Variants in ERN2 observed in about 807,000 individuals in gnomAD.
The protein encoded by ERN2 is endoplasmic reticulum to nucleus signaling 2, also known as serine/threonine-protein kinase/endoribonuclease IRE2.
A neutral mutation model predicts 107.9 loss-of-function variants in ERN2; 111 were observed. The observed-to-expected ratio is 1.03, with a 90% CI of 0.88 to 1.20. ERN2 has a LOEUF of 1.20. ERN2 is among the 50% of genes most tolerant of loss of function. The pLI, the probability that ERN2 is intolerant of heterozygous loss-of-function variation, is 0.00. For missense variants in ERN2, 1,225 were observed against 1,197.9 expected, an observed-to-expected ratio of 1.02 and a Z score of -0.33; for synonymous variants, 524 against 501.7, an observed-to-expected ratio of 1.04 and a Z score of -0.59.
intron 13 of ERN2, among the ~76,000 whole-genome samples, chr16:23,697,627 GC>G (rs1959882851): frequency 6.6e-6 from 1 of 152,150 alleles, no homozygotes; most frequent in East Asian, 1.9e-4. Flanking sequence ...CAGACTTAAG[GC>G]CACAAAGGCC....
chr16:23,704,059 T>C (rs1173875759), intron 8 of ERN2, among the ~76,000 whole-genome samples: 2 of 152,186 alleles, frequency 1.3e-5, no homozygotes, highest in Non-Finnish European at 2.9e-5. Flanking sequence ...AAGTGCTCAA[T>C]TAATATTTGC....
intron 13 of ERN2, among the ~76,000 whole-genome samples, chr16:23,698,163 G>A (rs1941267763): frequency 6.6e-6 from 1 of 152,138 alleles, no homozygotes. Context: ...TCTTTCACAG[G>A]TATTTGCCAG....
chr16:23,707,889 T>C (rs1960386457), intron 4 of ERN2, among the ~76,000 whole-genome samples: 1 of 152,248 alleles, frequency 6.6e-6, no homozygotes, highest in Admixed American at 6.5e-5. Context: ...GGCCTGATGC[T>C]GGCTAGGAGT....
rs34617223 is a variant in ERN2 at position 23,695,586 on chromosome 16, C to T, written c.1611-197G>A. On this transcript the variant is annotated intron_variant, in intron 14 of 21. Coordinates refer to ENST00000256797, the MANE Select transcript of ERN2 (RefSeq NM_033266.4). ...TACTAAAAAAAATATAAAAATTAGC[C>T]GGGCATGGTGATACACACCTGTAAT... 1.1e-3 allele frequency among the ~76,000 whole-genome samples: 163 copies of T among 151,970 alleles called. 1 individual carries two copies. The East Asian group carries it at 0.028, about 26-fold the overall frequency.
At position 23,705,021 on chromosome 16, in the gene ERN2, C is replaced by A; in HGVS notation, c.716G>T (p.Gly239Val). The change falls in exon 8 of 22, where the codon GGC (glycine) becomes GTC (valine). Residue 239 changes from glycine to valine, a missense_variant. By Grantham distance (109) the Gly-to-Val change is moderately radical (BLOSUM62 -3). Coordinates refer to ENST00000256797, the MANE Select transcript of ERN2 (RefSeq NM_033266.4). Reference sequence around the variant, plus strand: ...CGTGAGATGCGGCAGCTGGCGCAGGCCGTCCTGGTGCCAGGTGTAGACGCC... The same window carrying A: ...CGTGAGATGCGGCAGCTGGCGCAGGACGTCCTGGTGCCAGGTGTAGACGCC... Reference protein sequence around the residue: ...VMGVYTWHQDGLRQLPHLTLA... With the variant: ...VMGVYTWHQDVLRQLPHLTLA... 2.5e-6 allele frequency: 4 copies of A among 1,613,936 alleles called. No individual in the cohort carries two copies. Among genetic ancestry groups the A allele is most frequent in the Non-Finnish European group, 3.4e-6 (4 of 1,180,020 alleles).
chr16:23,712,585 G>C (rs1960588235), intron 1 of ERN2: 1 of 154,502 alleles, frequency 6.5e-6, no homozygotes, highest in South Asian at 2.0e-4. Flanking sequence ...TGCTATTCCT[G>C]GCACCGTGGG....
At chr16:23,691,528 A>T in intron 19 of ERN2, 103 bp from the exon 20 acceptor site, 1 of 1,382,576 alleles carries the variant, frequency 7.2e-7, no homozygotes, top group Non-Finnish European at 9.7e-7. Context: ...GACAAGGATC[A>T]TTGCCTCTGG....
At chr16:23,711,188 G>A (rs1960527256) in intron 1 of ERN2, among the ~76,000 whole-genome samples, 170 bp from the exon 2 acceptor site, 1 of 152,158 alleles carries the variant, frequency 6.6e-6, no homozygotes, top group Admixed American at 6.5e-5. Flanking sequence ...TTTGACCCTA[G>A]AGAAGGGTTA....
At position 23,710,208 on chromosome 16, in the gene ERN2, C is replaced by T; in HGVS notation, c.270G>A (p.Leu90=). ...GTTGTTTTTGGGTCCCCAAGATGTA[C>T]AGGCTGCCATCTGCTGGGTCAGAGA... ...AFLSDPADGS[L]YILGTQKQQG... is the part of the protein sequence containing the mutation. Residue 90 remains leucine, a synonymous_variant, in exon 4 of 22, where the codon CTG becomes CTA. Coordinates refer to ENST00000256797, the MANE Select transcript of ERN2 (RefSeq NM_033266.4). 6.2e-7 allele frequency: 1 copy of T among 1,614,060 alleles called. No homozygotes were observed. The highest frequency in any genetic ancestry group is 1.1e-5 in the South Asian group (1 of 91,082).
In ERN2 at chr16:23,713,100, G is replaced by GTT. The variant is rs1266587290; in HGVS notation, c.87_88insAA (p.Pro30AsnfsTer25). The GTT allele has an allele frequency of 6.3e-7, 1 of 1,575,856 alleles. No individual in the cohort carries two copies. The highest frequency in any genetic ancestry group is 1.2e-5 in the South Asian group (1 of 86,018). On this transcript the variant is annotated frameshift_variant, in exon 1 of 22. Coordinates refer to ENST00000256797, the MANE Select transcript of ERN2 (RefSeq NM_033266.4). LOFTEE classifies it high-confidence loss of function. ...CGTCGGTCCCTGGCTCTCACCTGTG[G>GTT]ACTCAGCGTCCCGAGCAGCAGCGCC...
At chr16:23,705,171 G>T in intron 7 of ERN2, 24 bp from the exon 8 acceptor site, 1 of 1,607,858 alleles carries the variant, frequency 6.2e-7, no homozygotes, top group Non-Finnish European at 8.5e-7. Context: ...TGGCTGGGGA[G>T]ATGTGGTTGG....
Position 23,710,567 on chromosome 16 carries a change from C to T in ERN2, c.200-18G>A. On this transcript the variant is annotated intron_variant, in intron 2 of 21. Coordinates refer to ENST00000256797, the MANE Select transcript of ERN2 (RefSeq NM_033266.4). ...GACGGGATCTGCAGGGACAGGGACA[C>T]AGAACATAAGCAGTTTCCTCCAGAC... The T allele has an allele frequency of 6.2e-7, 1 of 1,614,050 alleles. No homozygotes were observed. Among genetic ancestry groups the T allele is most frequent in the Non-Finnish European group, 8.5e-7 (1 of 1,179,938 alleles).
chr16:23,691,136 C>T lies in ERN2; in HGVS notation c.2561G>A (p.Arg854Lys), dbSNP rs780624818. 2.5e-6 allele frequency: 4 copies of T among 1,613,940 alleles called. No homozygotes were observed. In the South Asian group the frequency reaches 4.4e-5, roughly 18 times the overall value. The change falls in exon 21 of 22, where the codon AGG (arginine) becomes AAG (lysine). Residue 854 changes from arginine (R) to lysine (K), a missense_variant. Physicochemically the swap from Arg to Lys is conservative, Grantham distance 26. Coordinates refer to ENST00000256797, the MANE Select transcript of ERN2 (RefSeq NM_033266.4). ...TSVRDLLRAV[R>K]NKKHHYRELP... The stretch of plus-strand genomic sequence containing the variant: ...CCAGGCCCCAACACATACCTTGTTC[C>T]TCACAGCACGGAGCAGGTCTCGCAC...
chr16:23,706,308 A>G (rs1417688024), intron 7 of ERN2, 22 bp downstream of exon 7: 2 of 1,460,000 alleles, frequency 1.4e-6, no homozygotes, highest in South Asian at 2.8e-5. Flanking sequence ...CCAAGATGGG[A>G]CCAGAGAAAG....
At chr16:23,712,517 A>G (rs1180850393) in intron 1 of ERN2, 1 of 153,868 alleles carries the variant, frequency 6.5e-6, no homozygotes, top group African/African-American at 2.4e-5. Flanking sequence ...TCTAGGCGGG[A>G]CACCTGGATT....
In ERN2 at chr16:23,702,478, T is replaced by C; in HGVS notation, c.993A>G (p.Gln331=). The part of the protein sequence containing the change: ...DGPTTDEVTL[Q]VSGEREGSPS... ...GTGAGCCCTCTCGCTCTCCTGAGACTTGGAGTGTCACCTCATCTGTGGTGG... is the reference window on the plus strand; with the variant it reads ...GTGAGCCCTCTCGCTCTCCTGAGACCTGGAGTGTCACCTCATCTGTGGTGG... The change falls in exon 10 of 22, where the codon CAA becomes CAG. Residue 331 remains glutamine (Q), a synonymous_variant. Coordinates refer to ENST00000256797, the MANE Select transcript of ERN2 (RefSeq NM_033266.4). The C allele has an allele frequency of 6.2e-7, 1 of 1,613,708 alleles. No individual in the cohort carries two copies. Among genetic ancestry groups the C allele is most frequent in the African/African-American group, 1.3e-5 (1 of 75,058 alleles).
rs1239918132 is a variant in ERN2 at position 23,702,457 on chromosome 16, G to A, written c.1014C>T (p.Gly338=). Residue 338 remains glycine, a synonymous_variant, in exon 10 of 22, where the codon GGC becomes GGT. Transcript: ENST00000256797. The part of the protein sequence containing the change: ...VTLQVSGERE[G]SPSTAVRYPS... The stretch of plus-strand genomic sequence containing the variant: ...GGTATCTAACAGCAGTGCTGGGTGA[G>A]CCCTCTCGCTCTCCTGAGACTTGGA... 3 of 1,613,436 alleles carry A rather than the reference G, an allele frequency of 1.9e-6. No homozygotes were observed. The highest frequency in any genetic ancestry group is 1.7e-5 in the Admixed American group (1 of 60,024).
At chr16:23,694,056 A>T (rs79138661) in intron 17 of ERN2, among the ~76,000 whole-genome samples, 4,259 of 152,204 alleles carry the variant, frequency 0.028, 84 homozygotes, top group Middle Eastern at 0.095. Context: ...AGAGTGCAGT[A>T]GTGTGATCTT....
In ERN2 at chr16:23,690,772, ACAGGCT is replaced by A. The variant is rs1323609126; in HGVS notation, c.*53_*58del. ...ACCCAGCCTGATTCTGAGGCCAGCC[ACAGGCT>A]CAGCTCTTCAGTGAGCCAGCACGGA... is the stretch of plus-strand genomic sequence containing the variant. On this transcript the variant is annotated 3_prime_UTR_variant, in exon 22 of 22. Coordinates refer to ENST00000256797, the MANE Select transcript of ERN2 (RefSeq NM_033266.4). The A allele has an allele frequency of 7.8e-7, 1 of 1,283,872 alleles. No individual in the cohort carries two copies. The highest frequency in any genetic ancestry group is 1.1e-6 in the Non-Finnish European group (1 of 924,074). The allele number at this position is 1,283,872 out of a possible 1,614,324, so 79.5% of individuals were successfully genotyped here.
Sources: allele counts gnomAD v4.1 joint callset (sites outside exome capture counted in the v4.1 genomes callset), GRCh38; gene constraint gnomAD v4.1.1; transcripts MANE v1.5; gene names NCBI Gene and HGNC (gene_info 2026-07-23, HGNC 2026-07-21).